Variants in ADD3 observed in about 807,000 individuals in gnomAD.
The protein encoded by ADD3 is adducin 3, also known as gamma-adducin.
Under a neutral mutation model 80.2 loss-of-function variants are expected in ADD3, and 25 were observed. That is an observed-to-expected ratio of 0.31 (90% CI 0.23 to 0.44). ADD3 has a LOEUF of 0.44. ADD3 is among the 20% of genes least tolerant of loss of function. The probability of loss-of-function intolerance (pLI) is 1.00; values close to 1 mark genes in which losing one functional copy is unlikely to be tolerated. For synonymous variants in ADD3, 284 were observed against 289.6 expected (o/e 0.98, Z 0.20); for missense variants, 829 against 847.5 (o/e 0.98, Z 0.27).
At position 110,109,644 on chromosome 10, in the gene ADD3, A is replaced by G. The variant is rs138156339; in HGVS notation, c.196-3133A>G. ...TCAGTTATAACTACTTTGAACTGAG[A>G]AAAGTTTAAATAGTTTGGTTTTGAA... On this transcript the variant is annotated intron_variant, in intron 2 of 14. Transcript: ENST00000356080. Among the ~76,000 whole-genome samples the G allele has an allele frequency of 2.2e-3, 339 of 152,344 alleles. 1 individual carries two copies. Among genetic ancestry groups the G allele is most frequent in the Admixed American group, 6.7e-3 (102 of 15,296 alleles).
At chr10:110,110,372 T>TACC (rs1849863477) in intron 2 of ADD3, among the ~76,000 whole-genome samples, 1 of 152,074 alleles carries the variant, frequency 6.6e-6, no homozygotes, top group African/African-American at 2.4e-5. Context: ...CCACTGCCAC[T>TACC]GTACTTCCCT....
At chr10:110,035,787 G>GT (rs1036717069) in intron 1 of ADD3, among the ~76,000 whole-genome samples, 1 of 131,946 alleles carries the variant, frequency 7.6e-6, no homozygotes, top group African/African-American at 4.4e-5. Context: ...GAGACTCAGT[G>GT]TTTTTTTAGG....
At chr10:110,054,651 C>A (rs1188018087) in intron 1 of ADD3, among the ~76,000 whole-genome samples, 1 of 149,958 alleles carries the variant, frequency 6.7e-6, no homozygotes, top group Non-Finnish European at 1.5e-5. Flanking sequence ...CTCGCTCTGT[C>A]CCCCAGGCTG....
chr10:110,116,232 C>G, intron 3 of ADD3, 27 bp from the exon 4 acceptor site: 1 of 1,611,500 alleles, frequency 6.2e-7, no homozygotes, highest in Non-Finnish European at 8.5e-7. Context: ...TGACTCGTAT[C>G]TCTCTCCACA....
rs1853324334 is a variant in ADD3 at position 110,133,494 on chromosome 10, A to G, written c.1997A>G (p.Glu666Gly). 1.2e-6 allele frequency: 2 copies of G among 1,613,860 alleles called. No individual in the cohort carries two copies. The highest frequency in any genetic ancestry group is 1.3e-5 in the African/African-American group (1 of 74,944). ...ATCGAGATTACTATTAAGTCTCCAG[A>G]GAAAATCGAAGAAGTCCTGTCACCT... The part of the protein sequence containing the change: ...ENIEITIKSP[E>G]KIEEVLSPEG... The change falls in exon 15 of 15, where the codon GAG (glutamate) becomes GGG (glycine). Residue 666 changes from glutamate to glycine, a missense_variant. By Grantham distance (98) the Glu-to-Gly change is moderately conservative. Transcript: ENST00000356080.
chr10:110,068,358 C>G (rs930536109), intron 1 of ADD3, among the ~76,000 whole-genome samples: 1 of 152,178 alleles, frequency 6.6e-6, no homozygotes. Context: ...GTTTCGCATT[C>G]TCAGATTCAA....
intron 11 of ADD3, 90 bp from the exon 12 acceptor site, chr10:110,126,327 T>C: frequency 3.1e-6 from 3 of 971,132 alleles, no homozygotes; most frequent in South Asian, 2.8e-5. Flanking sequence ...TCTGGAAATG[T>C]CAAGTAGTAA....
At chr10:110,129,150 CTTTTTTTT>C (rs746835809) in intron 12 of ADD3, among the ~76,000 whole-genome samples, 2 of 138,310 alleles carry the variant, frequency 1.4e-5, no homozygotes, top group Non-Finnish European at 3.1e-5. Context: ...TTCTTTCTTT[CTTTTTTTT>C]TTTTTTTTGA....
intron 10 of ADD3, 115 bp downstream of exon 10, chr10:110,124,389 TGTCAC>T: frequency 8.0e-7 from 1 of 1,250,528 alleles, no homozygotes; most frequent in Non-Finnish European, 1.1e-6. Context: ...AAAATATTAC[TGTCAC>T]TTATCTGGCT....
At position 110,026,961 on chromosome 10, in the gene ADD3, C is replaced by A. The variant is rs1240871459; in HGVS notation, c.-30+18662C>A. On this transcript the variant is annotated intron_variant, in intron 1 of 14. Coordinates refer to ENST00000356080, the MANE Select transcript of ADD3 (RefSeq NM_016824.5). The stretch of plus-strand genomic sequence containing the variant: ...CGAAGTAGTATCTTCTGGCTGGGTC[C>A]CAAAATCATCAGATGCTAACTATAC... 2.6e-5 allele frequency among the ~76,000 whole-genome samples: 4 copies of A among 151,926 alleles called. No homozygotes were observed. The East Asian group carries it at 7.7e-4, about 29-fold the overall frequency.
chr10:110,013,773 A>G (rs1194750848), intron 1 of ADD3, among the ~76,000 whole-genome samples: 1 of 152,212 alleles, frequency 6.6e-6, no homozygotes, highest in Non-Finnish European at 1.5e-5. Context: ...GGAATGAAAG[A>G]GGAGAGTGCT....
rs200986973 is a variant in ADD3, at chr10:110,022,332, A to AT, written c.-30+14041dup. Among the ~76,000 whole-genome samples, 150 of 151,904 alleles carry AT rather than the reference A, an allele frequency of 9.9e-4. 1 individual carries two copies. Among genetic ancestry groups the AT allele is most frequent in the African/African-American group, 3.4e-3 (140 of 41,466 alleles). ...AATATGGAATAACCAATTCCCAATA[A>AT]TTTTTTTTAGCCAACCCAAAGTTAT... On this transcript the variant is annotated intron_variant, in intron 1 of 14. Transcript: ENST00000356080.
upstream of ADD3, among the ~76,000 whole-genome samples, chr10:110,003,354 A>G (rs1208151879): frequency 2.1e-5 from 3 of 140,632 alleles, no homozygotes; most frequent in Non-Finnish European, 4.6e-5. Context: ...GGAAGAGAGA[A>G]AGATAAACCT....
intron 1 of ADD3, among the ~76,000 whole-genome samples, chr10:110,018,130 A>G (rs910781968): frequency 5.3e-5 from 8 of 152,322 alleles, no homozygotes; most frequent in African/African-American, 1.4e-4. Context: ...ATGGTCAGCA[A>G]TAACTAAAAC....
chr10:110,041,066 C>T (rs557669289), intron 1 of ADD3, among the ~76,000 whole-genome samples: 1 of 152,218 alleles, frequency 6.6e-6, no homozygotes, highest in South Asian at 2.1e-4. Flanking sequence ...CTATCTCCCT[C>T]GCTGTCTCTC....
intron 2 of ADD3, among the ~76,000 whole-genome samples, chr10:110,109,993 C>T (rs117918942): frequency 3.4e-4 from 52 of 152,244 alleles, no homozygotes; most frequent in Non-Finnish European, 6.5e-4. Flanking sequence ...GAACTAGATA[C>T]CGGCAATAGA....
At chr10:110,013,007 G>A (rs886295331) in intron 1 of ADD3, among the ~76,000 whole-genome samples, 17 of 152,186 alleles carry the variant, frequency 1.1e-4, no homozygotes, top group African/African-American at 3.6e-4. Context: ...CAATGAAAAT[G>A]GGCCTGAGGA....
At chr10:110,075,854 T>C (rs1039103151) in intron 1 of ADD3, 1 of 152,168 alleles carries the variant, frequency 6.6e-6, no homozygotes, top group Admixed American at 6.5e-5. Flanking sequence ...TAATTTATCA[T>C]GTGGCAAGAG....
chr10:110,082,901 C>A (rs1213614048), intron 1 of ADD3, among the ~76,000 whole-genome samples: 10 of 152,132 alleles, frequency 6.6e-5, no homozygotes, highest in Admixed American at 6.5e-4. Context: ...ATCTTGGATA[C>A]TTGGCCAGTC....
Sources: allele counts gnomAD v4.1 joint callset (sites outside exome capture counted in the v4.1 genomes callset), GRCh38; gene constraint gnomAD v4.1.1; transcripts MANE v1.5; gene names NCBI Gene and HGNC (gene_info 2026-07-23, HGNC 2026-07-21).